GPR158: variants seen among roughly 807,000 people sequenced by gnomAD.
The protein encoded by GPR158 is metabotropic glycine receptor.
GPR158 carries 30 observed loss-of-function variants against 78.2 expected under a neutral mutation model. That is an observed-to-expected ratio of 0.38 (90% CI 0.29 to 0.52). The LOEUF is 0.52. Ranked by LOEUF, GPR158 falls within the 20% of genes least tolerant of loss-of-function variation. The probability of loss-of-function intolerance (pLI) is 0.83; values close to 1 mark genes in which losing one functional copy is unlikely to be tolerated. For synonymous variants in GPR158, 581 were observed against 591.1 expected (o/e 0.98, Z 0.25); for missense variants, 1,463 against 1,523.5 (o/e 0.96, Z 0.66).
At chr10:25,496,351 G>A (rs748179501) in intron 5 of GPR158, among the ~76,000 whole-genome samples, 10 of 152,158 alleles carry the variant, frequency 6.6e-5, no homozygotes, top group Non-Finnish European at 1.2e-4. Context: ...GAGAAATGGA[G>A]AGACACTGTG....
At chr10:25,434,291 CAT>C (rs1834967405) in intron 4 of GPR158, among the ~76,000 whole-genome samples, 1 of 152,252 alleles carries the variant, frequency 6.6e-6, no homozygotes, top group South Asian at 2.1e-4. Flanking sequence ...TGTCTTAAGA[CAT>C]ATAAAATGCT....
rs1455731329 is a variant in GPR158, at chr10:25,601,829, T to TTA, written c.*2558_*2559dup. The TTA allele has an allele frequency of 1.3e-5, 2 of 152,648 alleles. No homozygotes were observed. The highest frequency in any genetic ancestry group is 4.8e-5 in the African/African-American group (2 of 41,446). 9.5% of individuals were successfully genotyped at this position (152,648 alleles called of 1,614,324 possible). A position where few individuals can be genotyped will look rare whatever the true frequency, so the allele number is the denominator to read the frequency against. On this transcript the variant is annotated 3_prime_UTR_variant, in exon 11 of 11. Coordinates refer to ENST00000376351, the MANE Select transcript of GPR158 (RefSeq NM_020752.3). ...CCTGTCCTTGTTTTTAAGCCAGGGT[T>TTA]TATAAATAAGTAGATTTATACCAAT...
At chr10:25,364,024 T>G (rs1006603957) in intron 2 of GPR158, among the ~76,000 whole-genome samples, 2 of 151,948 alleles carry the variant, frequency 1.3e-5, no homozygotes, top group Non-Finnish European at 2.9e-5. Flanking sequence ...GTAAAGTGCT[T>G]AAAATAATGC....
At chr10:25,510,745 C>A (rs76659472) in intron 5 of GPR158, among the ~76,000 whole-genome samples, 1 of 152,100 alleles carries the variant, frequency 6.6e-6, no homozygotes, top group Non-Finnish European at 1.5e-5. Flanking sequence ...ATCATTCTTA[C>A]GCCTTTGCAT....
intron 4 of GPR158, among the ~76,000 whole-genome samples, chr10:25,456,009 C>G (rs1197466870): frequency 6.6e-6 from 1 of 152,120 alleles, no homozygotes; most frequent in African/African-American, 2.4e-5. Flanking sequence ...AATGTTTATA[C>G]CATTTTAGAG....
chr10:25,592,192 T>C (rs764158038), intron 8 of GPR158, among the ~76,000 whole-genome samples: 4 of 151,992 alleles, frequency 2.6e-5, no homozygotes, highest in African/African-American at 4.8e-5. Flanking sequence ...TGTATGTATA[T>C]ATACATATAT....
chr10:25,526,465 A>G (rs891451620), intron 5 of GPR158, among the ~76,000 whole-genome samples: 1 of 152,098 alleles, frequency 6.6e-6, no homozygotes, highest in Admixed American at 6.5e-5. Flanking sequence ...GTAAATTATG[A>G]AAAGGAGGGG....
intron 2 of GPR158, among the ~76,000 whole-genome samples, chr10:25,325,148 C>A (rs1426739152): frequency 1.3e-5 from 2 of 152,090 alleles, no homozygotes; most frequent in Non-Finnish European, 2.9e-5. Context: ...CTGGCCCATT[C>A]TTCCCTGTCA....
chr10:25,287,219 C>G (rs923290080), intron 2 of GPR158, among the ~76,000 whole-genome samples: 2 of 151,800 alleles, frequency 1.3e-5, no homozygotes, highest in African/African-American at 2.4e-5. Flanking sequence ...TGCTCTTCCC[C>G]GAGATATAGG....
At chr10:25,507,821 G>A (rs890061323) in intron 5 of GPR158, among the ~76,000 whole-genome samples, 9 of 152,284 alleles carry the variant, frequency 5.9e-5, no homozygotes, top group Admixed American at 2.0e-4. Context: ...TTATACTTCC[G>A]GAAATCTAGG....
At chr10:25,310,626 G>A (rs566175464) in intron 2 of GPR158, among the ~76,000 whole-genome samples, 3 of 152,062 alleles carry the variant, frequency 2.0e-5, no homozygotes, top group African/African-American at 7.2e-5. Flanking sequence ...TTATTTATTA[G>A]GGGTGTTTGT....
At position 25,598,325 on chromosome 10, in the gene GPR158, A is replaced by G. The variant is rs573257118; in HGVS notation, c.2699A>G (p.Gln900Arg). 9 of 1,614,170 alleles carry G rather than the reference A, an allele frequency of 5.6e-6. No homozygotes were observed. Among genetic ancestry groups the G allele is most frequent in the Non-Finnish European group, 7.6e-6 (9 of 1,180,026 alleles). Reference sequence around the variant, plus strand: ...GGGCACCCACGAACATCGATGTTACAGAAGTCTCTCAGTGTCATAGCAAGC... The same window carrying G: ...GGGCACCCACGAACATCGATGTTACGGAAGTCTCTCAGTGTCATAGCAAGC... ...KTGHPRTSMLQKSLSVIASAK... is the reference protein window; with the variant it reads ...KTGHPRTSMLRKSLSVIASAK... Residue 900 changes from glutamine (Q) to arginine (R), a missense_variant, in exon 11 of 11, where the codon CAG (glutamine) becomes CGG (arginine). Physicochemically the swap from Gln to Arg is conservative, Grantham distance 43. Transcript: ENST00000376351.
At chr10:25,236,084 ATCT>A (rs1258253533) in intron 2 of GPR158, among the ~76,000 whole-genome samples, 2 of 152,140 alleles carry the variant, frequency 1.3e-5, no homozygotes, top group Admixed American at 6.6e-5. Flanking sequence ...GTTTGTATCG[ATCT>A]TCTATGCTAG....
At chr10:25,557,155 G>A (rs926391010) in intron 6 of GPR158, among the ~76,000 whole-genome samples, 1 of 152,296 alleles carries the variant, frequency 6.6e-6, no homozygotes, top group Non-Finnish European at 1.5e-5. Context: ...ACCGTTTTGT[G>A]TGCTATCTCT....
In GPR158 at chr10:25,541,987, TATTATAA is replaced by T. The variant is rs1348530147; in HGVS notation, c.1405-8973_1405-8967del. On this transcript the variant is annotated intron_variant, in intron 5 of 10. Coordinates refer to ENST00000376351, the MANE Select transcript of GPR158 (RefSeq NM_020752.3). Reference sequence around the variant, plus strand: ...TTATATATTATAATTATAAATTATATATTATAAATTATAAATTATAAAGTCGTTAAAG... The same window carrying T: ...TTATATATTATAATTATAAATTATATATTATAAATTATAAAGTCGTTAAAG... Among the ~76,000 whole-genome samples, 129 of 147,836 alleles carry T rather than the reference TATTATAA, an allele frequency of 8.7e-4. 1 individual carries two copies. Among genetic ancestry groups the T allele is most frequent in the Non-Finnish European group, 1.1e-3 (77 of 67,090 alleles).
intron 2 of GPR158, among the ~76,000 whole-genome samples, chr10:25,247,757 A>G (rs548320337): frequency 6.6e-6 from 1 of 151,914 alleles, no homozygotes; most frequent in South Asian, 2.1e-4. Flanking sequence ...GCTATTGTGA[A>G]TAATGCTGCA....
At chr10:25,338,520 CGTATATTACGT>C (rs1855255011) in intron 2 of GPR158, among the ~76,000 whole-genome samples, 1 of 94,022 alleles carries the variant, frequency 1.1e-5, no homozygotes, top group Non-Finnish European at 2.9e-5. Context: ...GTATAATATA[CGTATATTACGT>C]ATATTATATA....
intron 4 of GPR158, among the ~76,000 whole-genome samples, chr10:25,421,991 C>T (rs940941122): frequency 1.3e-5 from 2 of 152,102 alleles, no homozygotes; most frequent in African/African-American, 2.4e-5. Flanking sequence ...TAATTTCTTG[C>T]TTTTGAGTTC....
intron 2 of GPR158, among the ~76,000 whole-genome samples, chr10:25,366,875 T>A (rs1855731935): frequency 6.6e-6 from 1 of 151,750 alleles, no homozygotes; most frequent in Non-Finnish European, 1.5e-5. Context: ...TAATGTTCTG[T>A]TTAAGACTTT....
Sources: gnomAD v4.1 joint callset for allele counts (sites outside exome capture counted in the v4.1 genomes callset) on GRCh38, gnomAD v4.1.1 for gene constraint, MANE v1.5 for transcripts, NCBI Gene and HGNC (gene_info 2026-07-23, HGNC 2026-07-21) for gene names.